Variants in SGCD observed in about 807,000 individuals in gnomAD.
The protein encoded by SGCD is sarcoglycan delta.
A neutral mutation model predicts 36.6 loss-of-function variants in SGCD; 18 were observed. That is an observed-to-expected ratio of 0.49 (90% confidence interval 0.34 to 0.73). SGCD has a LOEUF of 0.73. Among genes scored for constraint, SGCD ranks in the 30% least tolerant of loss-of-function variants. SGCD has a pLI of 0.01. For missense variants in SGCD, 387 were observed against 346.7 expected (o/e 1.12, Z -0.92); for synonymous variants, 133 against 130.6 (o/e 1.02, Z -0.12).
chr5:156,577,955 GAATA>G (rs1160722878), intron 4 of SGCD, among the ~76,000 whole-genome samples: 3 of 152,160 alleles, frequency 2.0e-5, no homozygotes, highest in African/African-American at 7.2e-5. Context: ...ACACTATGTT[GAATA>G]GGAGTGGTGA....
chr5:156,129,559 T>C (rs1762260081), intron 3 of SGCD, among the ~76,000 whole-genome samples: 1 of 152,146 alleles, frequency 6.6e-6, no homozygotes, highest in African/African-American at 2.4e-5. Context: ...GTCACAGGGG[T>C]TTGCTGTACA....
the SGCD span, among the ~76,000 whole-genome samples, chr5:155,858,734 C>T: frequency 2.6e-5 from 4 of 152,090 alleles, no homozygotes; most frequent in South Asian, 2.1e-4. Context: ...AGTTCTGGGT[C>T]GATTAGAACC....
chr5:156,129,732 C>T (rs560460231), intron 3 of SGCD, among the ~76,000 whole-genome samples: 7 of 152,222 alleles, frequency 4.6e-5, no homozygotes, highest in South Asian at 2.1e-4. Flanking sequence ...TAAGTGAGAA[C>T]GTGAGGTATT....
At chr5:156,202,582 G>A (rs558210883) in intron 3 of SGCD, among the ~76,000 whole-genome samples, 1 of 152,202 alleles carries the variant, frequency 6.6e-6, no homozygotes, top group Non-Finnish European at 1.5e-5. Context: ...CTCTTCTAAA[G>A]CATTTCATTT....
At chr5:155,763,620 C>G in the SGCD span, among the ~76,000 whole-genome samples, 1 of 152,076 alleles carries the variant, frequency 6.6e-6, no homozygotes, top group Admixed American at 6.6e-5. Flanking sequence ...AAAGCGACAT[C>G]AAAGAGAGTG....
At chr5:156,262,069 G>T (rs896867467) in intron 3 of SGCD, among the ~76,000 whole-genome samples, 12 of 152,062 alleles carry the variant, frequency 7.9e-5, no homozygotes, top group Non-Finnish European at 1.5e-4. Flanking sequence ...CTGAAGAAAA[G>T]ATATTTGTAA....
chr5:156,487,237 A>G (rs1239851325), intron 3 of SGCD, among the ~76,000 whole-genome samples: 2 of 152,216 alleles, frequency 1.3e-5, no homozygotes, highest in Non-Finnish European at 2.9e-5. Context: ...ACTTGCAGAC[A>G]CCATTCATTC....
At chr5:156,180,842 G>A (rs1358888357) in intron 3 of SGCD, among the ~76,000 whole-genome samples, 1 of 136,308 alleles carries the variant, frequency 7.3e-6, no homozygotes, top group Admixed American at 7.1e-5. Flanking sequence ...TTAAGGGGAA[G>A]GCAAAGGGTA....
intron 3 of SGCD, among the ~76,000 whole-genome samples, chr5:156,253,109 A>G (rs1397658151): frequency 6.6e-6 from 1 of 152,210 alleles, no homozygotes; most frequent in African/African-American, 2.4e-5. Flanking sequence ...TATTAAAGGC[A>G]GAGAGATTAG....
intron 3 of SGCD, among the ~76,000 whole-genome samples, chr5:156,412,672 A>G (rs1435172305): frequency 6.6e-6 from 1 of 152,232 alleles, no homozygotes; most frequent in Non-Finnish European, 1.5e-5. Flanking sequence ...TCAAATAAAG[A>G]AATTGCTTAC....
intron 3 of SGCD, among the ~76,000 whole-genome samples, chr5:156,483,096 A>G (rs1293946858): frequency 6.6e-6 from 1 of 152,080 alleles, no homozygotes; most frequent in East Asian, 1.9e-4. Flanking sequence ...GACCTGAGTT[A>G]AGTGAAGGAG....
At chr5:155,760,041 G>A in the SGCD span, among the ~76,000 whole-genome samples, 1 of 151,836 alleles carries the variant, frequency 6.6e-6, no homozygotes, top group Non-Finnish European at 1.5e-5. Context: ...AATTTGAGAT[G>A]TTTATCTCAC....
At chr5:156,546,371 G>T (rs555688129) in intron 4 of SGCD, among the ~76,000 whole-genome samples, 1 of 152,266 alleles carries the variant, frequency 6.6e-6, no homozygotes, top group Admixed American at 6.5e-5. Context: ...AGTTAAATTT[G>T]CCTTCTTAGT....
intron 7 of SGCD, among the ~76,000 whole-genome samples, chr5:156,699,050 A>G (rs1194647776): frequency 1.7e-4 from 26 of 152,170 alleles, no homozygotes; most frequent in Admixed American, 1.6e-3. Context: ...TCATCCCAGT[A>G]TCTTATTCTG....
chr5:156,686,684 A>G (rs1460062466), intron 7 of SGCD, among the ~76,000 whole-genome samples: 1 of 152,230 alleles, frequency 6.6e-6, no homozygotes, highest in Non-Finnish European at 1.5e-5. Context: ...TTTCCTTTAG[A>G]TCCATCAAAT....
At chr5:155,739,619 A>G in the SGCD span, among the ~76,000 whole-genome samples, 3 of 152,246 alleles carry the variant, frequency 2.0e-5, no homozygotes, top group Admixed American at 6.5e-5. Flanking sequence ...TCTGTTGCCT[A>G]TAATCCTGGT....
At chr5:155,872,578 T>C (rs989192680) in intron 1 of SGCD, among the ~76,000 whole-genome samples, 1 of 152,200 alleles carries the variant, frequency 6.6e-6, no homozygotes, top group African/African-American at 2.4e-5. Context: ...GCTATGCTTT[T>C]GTAAGGAAAT....
At chr5:156,252,749 T>C (rs1765615538) in intron 3 of SGCD, among the ~76,000 whole-genome samples, 2 of 152,272 alleles carry the variant, frequency 1.3e-5, no homozygotes, top group South Asian at 4.1e-4. Context: ...GAAGTCTTAG[T>C]TTAATTTTAG....
intron 1 of SGCD, among the ~76,000 whole-genome samples, chr5:155,902,262 A>C (rs1371913205): frequency 6.6e-6 from 1 of 152,222 alleles, no homozygotes; most frequent in Non-Finnish European, 1.5e-5. Context: ...AAATAAGATA[A>C]AGTATTTAAT....
Sources: gnomAD v4.1 joint callset for allele counts (sites outside exome capture counted in the v4.1 genomes callset) on GRCh38, gnomAD v4.1.1 for gene constraint, MANE v1.5 for transcripts, NCBI Gene and HGNC (gene_info 2026-07-23, HGNC 2026-07-21) for gene names.